The following BPIFB1 variants were observed in gnomAD, a reference collection of about 807,000 sequenced individuals.
BPIFB1 encodes the protein BPI fold containing family B member 1, also known as BPI fold-containing family B member 1.
In BPIFB1, 34 loss-of-function variants were observed where a neutral mutation model predicts 55.1. The ratio of observed to expected loss-of-function variants is 0.62; its 90% confidence interval spans 0.47 to 0.82. The LOEUF is 0.82. Ranked by LOEUF, BPIFB1 falls within the 40% of genes least tolerant of loss-of-function variation. BPIFB1 has a pLI of 0.00. For missense variants in BPIFB1, 532 were observed against 593.1 expected, an observed-to-expected ratio of 0.90 and a Z score of 1.07; for synonymous variants, 236 against 245.3, an observed-to-expected ratio of 0.96 and a Z score of 0.35.
chr20:33,296,233 G>T (rs559919291), intron 6 of BPIFB1, among the ~76,000 whole-genome samples: 121 of 152,288 alleles, frequency 7.9e-4, no homozygotes, highest in African/African-American at 2.8e-3. Context: ...AAAATGCAGA[G>T]GTTCCCCGGG....
At chr20:33,308,182 C>T (rs1225710905) in intron 15 of BPIFB1, among the ~76,000 whole-genome samples, 2 of 152,102 alleles carry the variant, frequency 1.3e-5, no homozygotes, top group East Asian at 1.9e-4. Context: ...CTCACCATCA[C>T]GAGAACAGCA....
At chr20:33,299,428 C>A (rs1024922994) in intron 7 of BPIFB1, among the ~76,000 whole-genome samples, 11 of 152,222 alleles carry the variant, frequency 7.2e-5, no homozygotes, top group African/African-American at 2.7e-4. Context: ...TCCTTGAGAT[C>A]CAGGTGCTCA....
At position 33,302,530 on chromosome 20, in the gene BPIFB1, G is replaced by A. The variant is rs546569501; in HGVS notation, c.981+118G>A. On this transcript the variant is annotated intron_variant, in intron 10 of 15. Transcript: ENST00000253354. ...ATTCCAGCACTGGGACACTCAAACC[G>A]CATCCCTGTCCGCACAGAGATTTCA... 83 of 1,118,048 alleles carry A rather than the reference G, an allele frequency of 7.4e-5. 1 individual carries two copies. The highest frequency in any genetic ancestry group is 7.2e-4 in the South Asian group (56 of 77,612). 69.3% of individuals were successfully genotyped at this position (1,118,048 alleles called of 1,614,324 possible).
intron 13 of BPIFB1, 145 bp downstream of exon 13, chr20:33,305,036 C>A: frequency 1.2e-6 from 1 of 861,214 alleles, no homozygotes; most frequent in Non-Finnish European, 1.9e-6. Flanking sequence ...CAAAGTCCAA[C>A]TTCCCTCGAG....
rs200577319 is a variant in BPIFB1 at position 33,305,954 on chromosome 20, A to G, written c.1255-48A>G. On this transcript the variant is annotated intron_variant, in intron 13 of 15. Transcript: ENST00000253354. ...CACCCACGAAGAATGATGGGGGGGA[A>G]CTTCAGATGCTCAACCAGGGTGACA... is the stretch of plus-strand genomic sequence containing the variant. The G allele has an allele frequency of 6.4e-5, 102 of 1,585,630 alleles. 1 individual carries two copies. Among genetic ancestry groups the G allele is most frequent in the East Asian group, 2.9e-4 (13 of 44,748 alleles).
At chr20:33,285,046 C>A (rs1399114009) in intron 1 of BPIFB1, among the ~76,000 whole-genome samples, 1 of 152,150 alleles carries the variant, frequency 6.6e-6, no homozygotes, top group African/African-American at 2.4e-5. Context: ...ATGTCTTGGG[C>A]CCCAGGACAA....
chr20:33,285,855 G>A (rs775495082), intron 1 of BPIFB1, among the ~76,000 whole-genome samples, 178 bp from the exon 2 acceptor site: 8 of 152,160 alleles, frequency 5.3e-5, no homozygotes, highest in Non-Finnish European at 1.0e-4. Flanking sequence ...ATCCCCATTT[G>A]TCTGATAAGA....
intron 8 of BPIFB1, among the ~76,000 whole-genome samples, chr20:33,300,219 G>A (rs540273620): frequency 6.6e-6 from 1 of 152,212 alleles, no homozygotes; most frequent in Non-Finnish European, 1.5e-5. Flanking sequence ...GGCCCGAGTG[G>A]GGACACTGGG....
intron 2 of BPIFB1, among the ~76,000 whole-genome samples, chr20:33,287,304 T>A (rs1390249561): frequency 6.6e-6 from 1 of 152,174 alleles, no homozygotes; most frequent in East Asian, 1.9e-4. Flanking sequence ...AGGAAAGGCA[T>A]CCCATGAGGG....
In BPIFB1 at chr20:33,290,010, C is replaced by T; in HGVS notation, c.365+18C>T. 1 of 1,593,164 alleles carries T rather than the reference C, an allele frequency of 6.3e-7. No individual in the cohort carries two copies. Among genetic ancestry groups the T allele is most frequent in the Non-Finnish European group, 8.6e-7 (1 of 1,160,900 alleles). Reference sequence around the variant, plus strand: ...TTCAACACGTGAGTGACCCCTCCATCAAGTACAGTAGGCTTGACAGGCTCA... The same window carrying T: ...TTCAACACGTGAGTGACCCCTCCATTAAGTACAGTAGGCTTGACAGGCTCA... On this transcript the variant is annotated intron_variant, in intron 4 of 15. Coordinates refer to ENST00000253354, the MANE Select transcript of BPIFB1 (RefSeq NM_033197.3).
chr20:33,290,084 G>C (rs1980414095), intron 4 of BPIFB1, 92 bp downstream of exon 4: 5 of 991,758 alleles, frequency 5.0e-6, no homozygotes, highest in Non-Finnish European at 7.9e-6. Context: ...GTCTGGAAAA[G>C]AGAGTTCCGA....
At position 33,306,013 on chromosome 20, in the gene BPIFB1, GAAAAACA is replaced by G; in HGVS notation, c.1267_1273del (p.Lys423SerfsTer18). Reference sequence around the variant, plus strand: ...TCTCTCTCTCACAGCCTGATGTTCTGAAAAACATCATCACTGAGATCATCCACTCCAT... The same window carrying G: ...TCTCTCTCTCACAGCCTGATGTTCTGTCATCACTGAGATCATCCACTCCAT... On this transcript the variant is annotated frameshift_variant, in exon 14 of 16. Transcript: ENST00000253354. LOFTEE classifies it high-confidence loss of function. The G allele has an allele frequency of 6.2e-7, 1 of 1,614,118 alleles. No homozygotes were observed. The highest frequency in any genetic ancestry group is 1.3e-5 in the African/African-American group (1 of 75,022).
In BPIFB1 at chr20:33,295,975, G is replaced by A. The variant is rs537653623; in HGVS notation, c.598-1550G>A. ...GAGAGGGAGGGAGGGAAGAAAGGAA[G>A]GAAGGGAGGGAGGGAGGGAGGGAGG... On this transcript the variant is annotated intron_variant, in intron 6 of 15. Transcript: ENST00000253354. Among the ~76,000 whole-genome samples the A allele has an allele frequency of 2.2e-3, 308 of 136,928 alleles. 1 individual carries two copies. Among genetic ancestry groups the A allele is most frequent in the South Asian group, 2.6e-3 (9 of 3,522 alleles). The allele number at this position is 136,928 out of a possible 152,430, so 89.8% of individuals were successfully genotyped here.
intron 13 of BPIFB1, 139 bp from the exon 14 acceptor site, chr20:33,305,863 T>C: frequency 1.1e-6 from 1 of 947,994 alleles, no homozygotes; most frequent in Non-Finnish European, 1.6e-6. Context: ...CCCCCACAGC[T>C]CTGATCAGCA....
intron 13 of BPIFB1, among the ~76,000 whole-genome samples, chr20:33,305,752 T>A (rs1981003203): frequency 6.6e-6 from 1 of 152,090 alleles, no homozygotes; most frequent in Non-Finnish European, 1.5e-5. Flanking sequence ...GTGGGGCCCC[T>A]GAGGATGGGG....
intron 2 of BPIFB1, among the ~76,000 whole-genome samples, chr20:33,287,940 T>C (rs1229640388): frequency 1.3e-5 from 2 of 151,998 alleles, no homozygotes; most frequent in East Asian, 1.9e-4. Flanking sequence ...CTGTGCCAAA[T>C]GGCAAAAAAG....
chr20:33,284,081 C>T (rs769706605), intron 1 of BPIFB1, among the ~76,000 whole-genome samples: 12 of 152,192 alleles, frequency 7.9e-5, no homozygotes, highest in Non-Finnish European at 1.8e-4. Context: ...TCATAATTAT[C>T]GTGGAAGCTA....
In BPIFB1 at chr20:33,286,124, C is replaced by G. The variant is rs1343391494; in HGVS notation, c.51C>G (p.Thr17=). 6.2e-7 allele frequency: 1 copy of G among 1,614,228 alleles called. No homozygotes were observed. The highest frequency in any genetic ancestry group is 1.1e-5 in the South Asian group (1 of 91,086). The change falls in exon 2 of 16, where the codon ACC becomes ACG. Residue 17 remains threonine (T), a synonymous_variant. Coordinates refer to ENST00000253354, the MANE Select transcript of BPIFB1 (RefSeq NM_033197.3). ...TTCTCTGTGGTTTGCTGGCAGCCACCTTGATCCAAGCCACCCTCAGTCCCA... is the reference window on the plus strand; with the variant it reads ...TTCTCTGTGGTTTGCTGGCAGCCACGTTGATCCAAGCCACCCTCAGTCCCA... ...FTLLCGLLAA[T]LIQATLSPTA... is the part of the protein sequence containing the mutation.
At chr20:33,286,657 A>C (rs1160638688) in intron 2 of BPIFB1, among the ~76,000 whole-genome samples, 1 of 152,178 alleles carries the variant, frequency 6.6e-6, no homozygotes, top group Admixed American at 6.5e-5. Flanking sequence ...CCACCTTGGG[A>C]CACAAATAAG....
Sources: gnomAD v4.1 joint callset for allele counts (sites outside exome capture counted in the v4.1 genomes callset) on GRCh38, gnomAD v4.1.1 for gene constraint, MANE v1.5 for transcripts, NCBI Gene and HGNC (gene_info 2026-07-23, HGNC 2026-07-21) for gene names.